Variants in HCN1 observed in about 807,000 individuals in gnomAD.
The protein encoded by HCN1 is hyperpolarization activated cyclic nucleotide gated potassium channel 1.
HCN1 carries 13 observed loss-of-function variants against 78.9 expected under a neutral mutation model. That is an observed-to-expected ratio of 0.16 (90% CI 0.11 to 0.26). HCN1 has a LOEUF of 0.26. Ranked by LOEUF, HCN1 falls within the 10% of genes least tolerant of loss-of-function variation. The pLI is 1.00. For missense variants in HCN1, 810 were observed against 1,154.3 expected (o/e 0.70, Z 4.32); for synonymous variants, 552 against 455.5 (o/e 1.21, Z -2.70).
intron 1 of HCN1, among the ~76,000 whole-genome samples, chr5:45,687,249 T>C (rs1456733864): frequency 6.6e-6 from 1 of 152,186 alleles, no homozygotes. Context: ...TCTTTTTCTT[T>C]CATGATGCTA....
chr5:45,645,341 T>G lies in HCN1; in HGVS notation c.693A>C (p.Pro231=), dbSNP rs1348018892. The change falls in exon 2 of 8, where the codon CCA becomes CCC. Residue 231 remains proline (P), a synonymous_variant. Coordinates refer to ENST00000303230, the MANE Select transcript of HCN1 (RefSeq NM_021072.4). ...WFVVDFISSI[P]VDYIFLIVEK... ...CTACAATAAGAAAGATATAATCCAC[T>G]GGGATGGATGAGATGAAGTCAACCA... is the stretch of plus-strand genomic sequence containing the variant. 1.2e-6 allele frequency: 2 copies of G among 1,613,500 alleles called. No individual in the cohort carries two copies. The highest frequency in any genetic ancestry group is 2.2e-5 in the South Asian group (2 of 91,078).
chr5:45,520,093 G>C (rs1238094236), intron 2 of HCN1, among the ~76,000 whole-genome samples: 2 of 151,928 alleles, frequency 1.3e-5, no homozygotes, highest in Non-Finnish European at 2.9e-5. Flanking sequence ...ATTATCAAAA[G>C]TATAAGCAGT....
At chr5:45,665,461 A>G (rs1459921260) in intron 1 of HCN1, among the ~76,000 whole-genome samples, 2 of 151,020 alleles carry the variant, frequency 1.3e-5, no homozygotes, top group African/African-American at 4.9e-5. Flanking sequence ...TAATAAAATA[A>G]AAAAAAGATA....
At chr5:45,538,896 G>GT (rs1743027817) in intron 2 of HCN1, among the ~76,000 whole-genome samples, 1 of 152,096 alleles carries the variant, frequency 6.6e-6, no homozygotes, top group African/African-American at 2.4e-5. Flanking sequence ...TAGTTTCCAG[G>GT]TTTCAGGTAC....
chr5:45,484,459 A>G (rs1261304086), intron 2 of HCN1, among the ~76,000 whole-genome samples: 1 of 151,988 alleles, frequency 6.6e-6, no homozygotes, highest in Non-Finnish European at 1.5e-5. Context: ...TCTAAATATA[A>G]ACAGAATTAC....
chr5:45,302,876 A>G (rs1248472977), intron 6 of HCN1, among the ~76,000 whole-genome samples: 1 of 151,980 alleles, frequency 6.6e-6, no homozygotes, highest in East Asian at 1.9e-4. Context: ...TCTTGCTGCC[A>G]TCATGTAAGA....
intron 6 of HCN1, among the ~76,000 whole-genome samples, chr5:45,301,063 C>A (rs982779403): frequency 1.3e-4 from 20 of 151,982 alleles, no homozygotes; most frequent in African/African-American, 4.8e-4. Context: ...TGGGTTATAA[C>A]CTCATGGTTA....
chr5:45,604,267 A>G (rs922813332), intron 2 of HCN1, among the ~76,000 whole-genome samples: 2 of 152,028 alleles, frequency 1.3e-5, no homozygotes, highest in Non-Finnish European at 2.9e-5. Context: ...CTACCCAGAG[A>G]AGATAAGCAA....
intron 2 of HCN1, among the ~76,000 whole-genome samples, chr5:45,499,405 C>T (rs1296677234): frequency 6.6e-6 from 1 of 152,210 alleles, no homozygotes; most frequent in Non-Finnish European, 1.5e-5. Context: ...TCCCTGACCC[C>T]TTGCACTTCC....
chr5:45,369,927 G>C (rs531568141), intron 4 of HCN1, among the ~76,000 whole-genome samples: 1 of 151,858 alleles, frequency 6.6e-6, no homozygotes, highest in Non-Finnish European at 1.5e-5. Context: ...AAGTTTTCAA[G>C]TTTGTAAATA....
At chr5:45,522,188 A>G (rs1742627528) in intron 2 of HCN1, among the ~76,000 whole-genome samples, 1 of 151,868 alleles carries the variant, frequency 6.6e-6, no homozygotes, top group Non-Finnish European at 1.5e-5. Flanking sequence ...TATTCCCCTA[A>G]GTTGTTAAAA....
chr5:45,362,286 T>C (rs1747130997), intron 4 of HCN1, among the ~76,000 whole-genome samples: 1 of 152,014 alleles, frequency 6.6e-6, no homozygotes, highest in African/African-American at 2.4e-5. Context: ...CTTCCATTTT[T>C]TTAAATTGGA....
rs2589169 is a variant in HCN1 at position 45,619,502 on chromosome 5, C to T, written c.849+25683G>A. Reference sequence around the variant, plus strand: ...GAAACAAAATAAATGACAATAGTATCGAATAGGAACTGAATAAATATGAAT... The same window carrying T: ...GAAACAAAATAAATGACAATAGTATTGAATAGGAACTGAATAAATATGAAT... On this transcript the variant is annotated intron_variant, in intron 2 of 7. Transcript: ENST00000303230. 7.4e-3 allele frequency among the ~76,000 whole-genome samples: 1,118 copies of T among 151,926 alleles called. 11 individuals are homozygous for T. Among genetic ancestry groups the T allele is most frequent in the African/African-American group, 0.026 (1,068 of 41,448 alleles).
chr5:45,494,172 C>T (rs1561175377), intron 2 of HCN1, among the ~76,000 whole-genome samples: 1 of 152,054 alleles, frequency 6.6e-6, no homozygotes, highest in Non-Finnish European at 1.5e-5. Flanking sequence ...TGAGGAATCG[C>T]CACACTGACT....
intron 2 of HCN1, chr5:45,557,778 A>T (rs1743502321): frequency 6.6e-6 from 1 of 152,142 alleles, no homozygotes; most frequent in Admixed American, 6.6e-5. Flanking sequence ...CTCATATAAG[A>T]CAGCAAACTT....
chr5:45,554,183 A>T (rs540121013), intron 2 of HCN1, among the ~76,000 whole-genome samples: 1 of 151,970 alleles, frequency 6.6e-6, no homozygotes, highest in Non-Finnish European at 1.5e-5. Context: ...GTTTATTATC[A>T]CTGACAGATA....
intron 2 of HCN1, among the ~76,000 whole-genome samples, chr5:45,502,305 T>TA (rs541179390): frequency 0.011 from 1,547 of 136,488 alleles, 25 homozygotes; most frequent in African/African-American, 0.034. Flanking sequence ...CCATCTCTAC[T>TA]AAAAAAAAAA....
chr5:45,372,221 A>C (rs1747408617), intron 4 of HCN1, among the ~76,000 whole-genome samples: 1 of 74,800 alleles, frequency 1.3e-5, no homozygotes, highest in Non-Finnish European at 2.2e-5. Flanking sequence ...ATAATATAAT[A>C]TATATAATAT....
chr5:45,369,578 A>G (rs775551360), intron 4 of HCN1, among the ~76,000 whole-genome samples: 1 of 152,122 alleles, frequency 6.6e-6, no homozygotes, highest in Non-Finnish European at 1.5e-5. Flanking sequence ...GAAGTCAAGA[A>G]ATAGATATAT....
Sources: allele counts gnomAD v4.1 joint callset (sites outside exome capture counted in the v4.1 genomes callset), GRCh38; gene constraint gnomAD v4.1.1; transcripts MANE v1.5; gene names NCBI Gene and HGNC (gene_info 2026-07-23, HGNC 2026-07-21).